CDH18: variants seen among roughly 807,000 people sequenced by gnomAD.
CDH18 encodes the protein cadherin 18.
In CDH18, 31 loss-of-function variants were observed where a neutral mutation model predicts 67.9. That is an observed-to-expected ratio of 0.46 (90% CI 0.34 to 0.62). The LOEUF is 0.62. CDH18 is among the 20% of genes least tolerant of loss of function. The pLI, the probability that CDH18 is intolerant of heterozygous loss-of-function variation, is 0.01. For synonymous variants in CDH18, 362 were observed against 347.2 expected (o/e 1.04, Z -0.48); for missense variants, 890 against 975.5 (o/e 0.91, Z 1.17).
chr5:19,751,432 C>T (rs1770828481), intron 3 of CDH18, among the ~76,000 whole-genome samples: 2 of 151,882 alleles, frequency 1.3e-5, no homozygotes, highest in South Asian at 2.1e-4. Flanking sequence ...TCAGTGGAAG[C>T]CAAAAATAAA....
At chr5:19,876,656 C>T (rs1787041684) in intron 2 of CDH18, among the ~76,000 whole-genome samples, 1 of 142,048 alleles carries the variant, frequency 7.0e-6, no homozygotes, top group African/African-American at 2.6e-5. Flanking sequence ...AGACTATTAT[C>T]CAGGAATCTT....
chr5:20,553,997 C>G (rs185645258), intron 1 of CDH18, among the ~76,000 whole-genome samples: 1 of 152,172 alleles, frequency 6.6e-6, no homozygotes, highest in Admixed American at 6.5e-5. Flanking sequence ...CATGTTGGTA[C>G]AATTTGAACT....
chr5:19,746,852 A>G, intron 4 of CDH18, 90 bp downstream of exon 4: 2 of 990,060 alleles, frequency 2.0e-6, no homozygotes, highest in Non-Finnish European at 3.0e-6. Flanking sequence ...CTCCAGATAT[A>G]TATATATAAG....
At chr5:20,412,024 A>G (rs1295696278) in intron 1 of CDH18, among the ~76,000 whole-genome samples, 2 of 152,210 alleles carry the variant, frequency 1.3e-5, no homozygotes, top group East Asian at 3.8e-4. Flanking sequence ...ATAGAATTAG[A>G]AAAAGCAATC....
chr5:20,080,911 G>A (rs1308069794), intron 2 of CDH18, among the ~76,000 whole-genome samples: 1 of 151,978 alleles, frequency 6.6e-6, no homozygotes, highest in African/African-American at 2.4e-5. Context: ...TCTTTCCTAA[G>A]CCTCAGCAGT....
intron 3 of CDH18, among the ~76,000 whole-genome samples, chr5:19,811,161 G>GAAAGACA: frequency 3.6e-5 from 1 of 27,604 alleles, no homozygotes; most frequent in South Asian, 9.1e-4. Context: ...AAAGAAAGAA[G>GAAAGACA]GAGAGAAAGA....
intron 1 of CDH18, among the ~76,000 whole-genome samples, chr5:20,573,789 A>G (rs1758939209): frequency 7.1e-6 from 1 of 141,586 alleles, no homozygotes; most frequent in Admixed American, 7.4e-5. Context: ...TGTCCCCCAA[A>G]TATAATACTT....
chr5:19,473,030 C>CT lies in CDH18; in HGVS notation c.*195dup, dbSNP rs34972691. On this transcript the variant is annotated 3_prime_UTR_variant, in exon 13 of 13. Coordinates refer to ENST00000382275, the MANE Select transcript of CDH18 (RefSeq NM_004934.5). ...AACAATAACTTTTTCTTTGTATTGTCTTTTTTTTTTTTTTTTTACTTTCTT... is the reference window on the plus strand; with the variant it reads ...AACAATAACTTTTTCTTTGTATTGTCTTTTTTTTTTTTTTTTTTACTTTCTT... 5,347 of 405,228 alleles carry CT rather than the reference C, an allele frequency of 0.013. 21 individuals are homozygous for CT. Among genetic ancestry groups the CT allele is most frequent in the East Asian group, 0.025 (642 of 25,190 alleles). The allele number at this position is 405,228 out of a possible 1,614,324, so 25.1% of individuals were successfully genotyped here. A position where few individuals can be genotyped will look rare whatever the true frequency, so the allele number is the denominator to read the frequency against.
chr5:19,936,245 G>A (rs1484489102), intron 2 of CDH18, among the ~76,000 whole-genome samples: 1 of 151,170 alleles, frequency 6.6e-6, no homozygotes, highest in African/African-American at 2.4e-5. Context: ...TATAAAAAGT[G>A]CAACAGCCTG....
chr5:20,398,059 T>C (rs1745427623), intron 1 of CDH18, among the ~76,000 whole-genome samples: 1 of 152,178 alleles, frequency 6.6e-6, no homozygotes, highest in African/African-American at 2.4e-5. Flanking sequence ...GCTTATAGGC[T>C]ACCACACCAT....
intron 1 of CDH18, among the ~76,000 whole-genome samples, chr5:20,320,661 C>T (rs1737927764): frequency 6.6e-6 from 1 of 152,178 alleles, no homozygotes; most frequent in Admixed American, 6.5e-5. Flanking sequence ...CCAGAGTCCT[C>T]CTTCTGAGAA....
intron 2 of CDH18, among the ~76,000 whole-genome samples, chr5:20,062,140 AATTATT>A (rs113839953): frequency 9.4e-4 from 130 of 137,934 alleles, no homozygotes; most frequent in Middle Eastern, 7.3e-3. Context: ...TTAAGCCCAG[AATTATT>A]ATTATTATTA....
chr5:19,555,891 A>G (rs1738322878), intron 8 of CDH18, among the ~76,000 whole-genome samples: 1 of 152,132 alleles, frequency 6.6e-6, no homozygotes, highest in Non-Finnish European at 1.5e-5. Context: ...GCTACCTATA[A>G]TGGAGTAGGT....
At chr5:19,929,113 G>C (rs1793407240) in intron 2 of CDH18, among the ~76,000 whole-genome samples, 1 of 151,722 alleles carries the variant, frequency 6.6e-6, no homozygotes, top group Admixed American at 6.6e-5. Flanking sequence ...TTCTAGGACT[G>C]CAAAGTACAC....
In CDH18 at chr5:19,543,929, T is replaced by C; in HGVS notation, c.1330A>G (p.Lys444Glu). The change falls in exon 9 of 13, where the codon AAG becomes GAG. Residue 444 changes from lysine to glutamate, a missense_variant. Coordinates refer to ENST00000382275, the MANE Select transcript of CDH18 (RefSeq NM_004934.5). ...DANTGTIRTT[K>E]VLDREETPWY... The stretch of plus-strand genomic sequence containing the variant: ...GGAGTTTCTTCTCTGTCGAGAACCT[T>C]TGTAGTCCTAATGGTCCCAGTATTG... 3.1e-6 allele frequency: 5 copies of C among 1,597,338 alleles called. No homozygotes were observed. The highest frequency in any genetic ancestry group is 4.3e-6 in the Non-Finnish European group (5 of 1,168,208).
intron 2 of CDH18, among the ~76,000 whole-genome samples, chr5:19,862,374 G>A (rs778415856): frequency 1.3e-5 from 2 of 152,126 alleles, no homozygotes; most frequent in African/African-American, 4.8e-5. Context: ...TTAGGAAACT[G>A]TATCAACTGT....
intron 2 of CDH18, among the ~76,000 whole-genome samples, chr5:20,065,746 G>A (rs1318552430): frequency 1.3e-5 from 2 of 151,862 alleles, no homozygotes; most frequent in Admixed American, 6.6e-5. Flanking sequence ...TAAAATATTT[G>A]TATAGGTATC....
intron 1 of CDH18, among the ~76,000 whole-genome samples, chr5:20,488,578 C>T (rs1753356964): frequency 6.6e-6 from 1 of 151,668 alleles, no homozygotes; most frequent in African/African-American, 2.4e-5. Context: ...GGATTTAAAA[C>T]TTACATAAAT....
chr5:20,446,089 A>T (rs1290914399), intron 1 of CDH18, among the ~76,000 whole-genome samples: 1 of 152,174 alleles, frequency 6.6e-6, no homozygotes, highest in Non-Finnish European at 1.5e-5. Flanking sequence ...AAGCCCACTC[A>T]GGGAGCAAAA....
Sources: allele counts gnomAD v4.1 joint callset (sites outside exome capture counted in the v4.1 genomes callset), GRCh38; gene constraint gnomAD v4.1.1; transcripts MANE v1.5; gene names NCBI Gene and HGNC (gene_info 2026-07-23, HGNC 2026-07-21).